The following NFIB variants were observed in gnomAD, a reference collection of about 807,000 sequenced individuals.
NFIB encodes nuclear factor 1 B-type.
NFIB carries 11 observed loss-of-function variants against 61.5 expected under a neutral mutation model. The observed-to-expected ratio is 0.18, with a 90% CI of 0.11 to 0.30. The LOEUF is 0.30. NFIB is among the 10% of genes least tolerant of loss of function. The pLI is 1.00. For missense variants in NFIB, 471 were observed against 608.9 expected (o/e 0.77, Z 2.38); for synonymous variants, 260 against 216.5 (o/e 1.20, Z -1.76).
At chr9:14,184,778 T>C (rs368905554) in intron 2 of NFIB, among the ~76,000 whole-genome samples, 8 of 152,276 alleles carry the variant, frequency 5.3e-5, no homozygotes, top group South Asian at 2.1e-4. Context: ...CCCAGCACTT[T>C]TGGAGGCTGA....
intron 4 of NFIB, among the ~76,000 whole-genome samples, chr9:14,151,211 A>G (rs2042835353): frequency 6.6e-6 from 1 of 152,122 alleles, no homozygotes; most frequent in African/African-American, 2.4e-5. Context: ...GTGCTCAACC[A>G]TTGTGAGTTC....
At chr9:14,366,179 C>A (rs994120277) in intron 1 of NFIB, among the ~76,000 whole-genome samples, 1 of 152,144 alleles carries the variant, frequency 6.6e-6, no homozygotes, top group African/African-American at 2.4e-5. Context: ...GCTTTAGGCC[C>A]CTGAATCTGG....
At chr9:14,112,645 A>C (rs1224111622) in intron 10 of NFIB, among the ~76,000 whole-genome samples, 3 of 152,204 alleles carry the variant, frequency 2.0e-5, no homozygotes, top group Admixed American at 1.3e-4. Context: ...TACTGCTTCT[A>C]TTCTAGTTGG....
the NFIB span, among the ~76,000 whole-genome samples, chr9:14,516,069 C>T: frequency 2.0e-5 from 3 of 152,216 alleles, no homozygotes; most frequent in East Asian, 1.9e-4. Flanking sequence ...AGGAAGCCAG[C>T]GCTGAATTTA....
rs545192353 is a variant in NFIB at position 14,098,595 on chromosome 9, C to T, written c.1468-10269G>A. Among the ~76,000 whole-genome samples, 5 of 152,268 alleles carry T rather than the reference C, an allele frequency of 3.3e-5. No individual in the cohort carries two copies. The South Asian group carries it at 1.0e-3, about 32-fold the overall frequency. ...TCACATATGCAACAAGGTAATTTGT[C>T]CACATGAGACAAAGCACAAACACAA... On this transcript the variant is annotated intron_variant, in intron 10 of 10. Transcript: ENST00000380953.
At chr9:14,489,691 C>T in the NFIB span, among the ~76,000 whole-genome samples, 2 of 152,068 alleles carry the variant, frequency 1.3e-5, no homozygotes, top group Admixed American at 6.5e-5. Flanking sequence ...AAAAATAAAT[C>T]ACATTTTATA....
chr9:14,144,206 A>G (rs971409558), intron 6 of NFIB, among the ~76,000 whole-genome samples: 5 of 152,180 alleles, frequency 3.3e-5, no homozygotes, highest in African/African-American at 1.2e-4. Context: ...AAAATGTTTC[A>G]TAATATGATT....
At chr9:14,349,161 G>A (rs1444191953) in intron 1 of NFIB, among the ~76,000 whole-genome samples, 1 of 152,226 alleles carries the variant, frequency 6.6e-6, no homozygotes, top group Non-Finnish European at 1.5e-5. Context: ...GGGGAGCGAA[G>A]CTAGCGAGGA....
At chr9:14,413,811 C>T in the NFIB span, among the ~76,000 whole-genome samples, 1 of 152,066 alleles carries the variant, frequency 6.6e-6, no homozygotes, top group Non-Finnish European at 1.5e-5. Context: ...ATCCATTGAC[C>T]ATGTCAGGCT....
At chr9:14,172,087 A>C (rs1447038644) in intron 3 of NFIB, among the ~76,000 whole-genome samples, 2 of 152,226 alleles carry the variant, frequency 1.3e-5, no homozygotes, top group Non-Finnish European at 2.9e-5. Flanking sequence ...ATATGGAAGC[A>C]AGAACAGGAC....
chr9:14,223,165 C>T (rs576132210), intron 2 of NFIB, among the ~76,000 whole-genome samples: 1 of 152,288 alleles, frequency 6.6e-6, no homozygotes, highest in South Asian at 2.1e-4. Context: ...GCCTGCAGGC[C>T]ATGGGTTGAA....
the NFIB span, among the ~76,000 whole-genome samples, chr9:14,488,171 T>C: frequency 4.6e-5 from 7 of 151,918 alleles, no homozygotes; most frequent in East Asian, 1.9e-4. Context: ...TGAGACCAAA[T>C]TGGGCAACAT....
At chr9:14,386,019 G>C (rs1460676245) in intron 1 of NFIB, among the ~76,000 whole-genome samples, 2 of 152,070 alleles carry the variant, frequency 1.3e-5, no homozygotes, top group Non-Finnish European at 2.9e-5. Flanking sequence ...CTGACCTCAG[G>C]TGATCTACCC....
At chr9:14,496,911 T>G in the NFIB span, among the ~76,000 whole-genome samples, 1 of 152,228 alleles carries the variant, frequency 6.6e-6, no homozygotes, top group Non-Finnish European at 1.5e-5. Flanking sequence ...ACACCAATAA[T>G]GGGTCTGTGT....
chr9:14,159,409 T>C (rs1157660389), intron 3 of NFIB, among the ~76,000 whole-genome samples: 9 of 152,190 alleles, frequency 5.9e-5, no homozygotes, highest in Non-Finnish European at 1.2e-4. Context: ...CACTGGGCTC[T>C]ACTCCTGCAT....
At chr9:14,513,580 A>T in the NFIB span, among the ~76,000 whole-genome samples, 1 of 147,522 alleles carries the variant, frequency 6.8e-6, no homozygotes, top group Admixed American at 7.0e-5. Flanking sequence ...GTGAGCCGAA[A>T]TTGTGCCATT....
chr9:14,212,640 A>G (rs886340544), intron 2 of NFIB, among the ~76,000 whole-genome samples: 12 of 92,442 alleles, frequency 1.3e-4, no homozygotes, highest in African/African-American at 7.3e-4. Context: ...CCTCTGGGAA[A>G]AAAAAAAAAC....
At chr9:14,275,641 T>C (rs949130243) in intron 2 of NFIB, among the ~76,000 whole-genome samples, 1 of 152,112 alleles carries the variant, frequency 6.6e-6, no homozygotes, top group African/African-American at 2.4e-5. Context: ...TGTGAGTACT[T>C]ATCTAAAAGG....
chr9:14,353,301 C>G (rs1260425702), intron 1 of NFIB, among the ~76,000 whole-genome samples: 2 of 152,096 alleles, frequency 1.3e-5, no homozygotes, highest in Non-Finnish European at 2.9e-5. Flanking sequence ...ATAGATGTGA[C>G]AGTTCTTCTG....
Sources: gnomAD v4.1 joint callset for allele counts (sites outside exome capture counted in the v4.1 genomes callset) on GRCh38, gnomAD v4.1.1 for gene constraint, MANE v1.5 for transcripts, NCBI Gene and HGNC (gene_info 2026-07-23, HGNC 2026-07-21) for gene names.